PBX1: variants seen among roughly 807,000 people sequenced by gnomAD.
PBX1 encodes the protein pre-B-cell leukemia transcription factor 1.
Under a neutral mutation model 53.4 loss-of-function variants are expected in PBX1, and 6 were observed. The ratio of observed to expected loss-of-function variants is 0.11; its 90% CI spans 0.06 to 0.22. The LOEUF is 0.22. PBX1 is among the 10% of genes least tolerant of loss of function. The pLI is 1.00. For synonymous variants in PBX1, 204 were observed against 212.3 expected (o/e 0.96, Z 0.34); for missense variants, 251 against 551.4 (o/e 0.46, Z 5.46).
chr1:164,710,681 G>C (rs1025312040), intron 2 of PBX1, among the ~76,000 whole-genome samples: 6 of 152,296 alleles, frequency 3.9e-5, no homozygotes, highest in African/African-American at 1.4e-4. Context: ...AAAGTGCTGG[G>C]ATTATAGGTG....
intron 2 of PBX1, among the ~76,000 whole-genome samples, chr1:164,687,808 T>C (rs1157478336): frequency 2.6e-5 from 4 of 152,176 alleles, no homozygotes; most frequent in Admixed American, 2.6e-4. Context: ...CTGAGTTCTT[T>C]CCGAAGAACT....
intron 2 of PBX1, among the ~76,000 whole-genome samples, chr1:164,744,692 G>A (rs1557980477): frequency 6.6e-6 from 1 of 152,108 alleles, no homozygotes; most frequent in African/African-American, 2.4e-5. Flanking sequence ...GTCTACTCAG[G>A]GACATAAGGG....
chr1:164,639,974 T>TA lies in PBX1; in HGVS notation c.265+76674dup, dbSNP rs541120079. Reference sequence around the variant, plus strand: ...CACTGTACCCAGCTGTGTTCTATATTAAAAAAAAAAAGAAATCCTATGGCC... The same window carrying TA: ...CACTGTACCCAGCTGTGTTCTATATTAAAAAAAAAAAAGAAATCCTATGGCC... On this transcript the variant is annotated intron_variant, in intron 2 of 8. Coordinates refer to ENST00000420696, the MANE Select transcript of PBX1 (RefSeq NM_002585.4). 2.0e-3 allele frequency among the ~76,000 whole-genome samples: 295 copies of TA among 145,878 alleles called. 3 individuals carry two copies. Among genetic ancestry groups the TA allele is most frequent in the South Asian group, 0.02 (91 of 4,548 alleles).
At chr1:164,844,444 A>T (rs1671463036) in intron 8 of PBX1, among the ~76,000 whole-genome samples, 1 of 152,102 alleles carries the variant, frequency 6.6e-6, no homozygotes, top group African/African-American at 2.4e-5. Flanking sequence ...CTATCTAAAT[A>T]TCTATCTGGT....
chr1:164,559,531 T>C lies in PBX1; in HGVS notation c.-292T>C. 2.9e-6 allele frequency: 1 copy of C among 348,386 alleles called. No individual in the cohort carries two copies. 21.6% of individuals were successfully genotyped at this position (348,386 alleles called of 1,614,324 possible). Reference sequence around the variant, plus strand: ...GATTTCTTTTCGCCAAGTGGGAAGGTGGTTTATTTTTCTTGCTTTTTGGAG... The same window carrying C: ...GATTTCTTTTCGCCAAGTGGGAAGGCGGTTTATTTTTCTTGCTTTTTGGAG... On this transcript the variant is annotated 5_prime_UTR_variant, in exon 1 of 9. Coordinates refer to ENST00000420696, the MANE Select transcript of PBX1 (RefSeq NM_002585.4).
At chr1:164,643,779 G>A (rs770327864) in intron 2 of PBX1, among the ~76,000 whole-genome samples, 10 of 152,156 alleles carry the variant, frequency 6.6e-5, no homozygotes, top group Non-Finnish European at 1.5e-4. Flanking sequence ...AGTTTGAGAG[G>A]CTAAATTCAT....
At chr1:164,570,607 T>G (rs1653777316) in intron 2 of PBX1, among the ~76,000 whole-genome samples, 1 of 152,226 alleles carries the variant, frequency 6.6e-6, no homozygotes, top group Admixed American at 6.5e-5. Flanking sequence ...CAGTCTATCA[T>G]TGATGGGCAT....
intron 2 of PBX1, among the ~76,000 whole-genome samples, chr1:164,585,951 ACATTCATT>A (rs549700231): frequency 2.0e-5 from 3 of 152,198 alleles, no homozygotes; most frequent in Non-Finnish European, 2.9e-5. Flanking sequence ...AGTGCTTATG[ACATTCATT>A]CATTCATTCA....
At chr1:164,644,102 T>C (rs1659309096) in intron 2 of PBX1, among the ~76,000 whole-genome samples, 1 of 152,214 alleles carries the variant, frequency 6.6e-6, no homozygotes, top group Non-Finnish European at 1.5e-5. Flanking sequence ...CTAGTTTCTA[T>C]GTGGAGTGTT....
chr1:164,602,320 G>A (rs1003450963), intron 2 of PBX1, among the ~76,000 whole-genome samples: 41 of 152,234 alleles, frequency 2.7e-4, no homozygotes, highest in Middle Eastern at 6.8e-3. Context: ...CTCACACCCC[G>A]CTCGGTTTCA....
At chr1:164,705,380 T>C (rs1192762671) in intron 2 of PBX1, among the ~76,000 whole-genome samples, 1 of 152,240 alleles carries the variant, frequency 6.6e-6, no homozygotes, top group Admixed American at 6.5e-5. Flanking sequence ...GATTATTTAC[T>C]TGCAGAAATA....
At chr1:164,716,460 A>G (rs1038607280) in intron 2 of PBX1, among the ~76,000 whole-genome samples, 6 of 152,192 alleles carry the variant, frequency 3.9e-5, no homozygotes, top group African/African-American at 1.4e-4. Flanking sequence ...TTGATCTGTA[A>G]ACATTCTGAT....
intron 2 of PBX1, among the ~76,000 whole-genome samples, chr1:164,627,377 G>T (rs1425085266): frequency 6.6e-6 from 1 of 152,088 alleles, no homozygotes; most frequent in Non-Finnish European, 1.5e-5. Context: ...TGAGTGTGTT[G>T]GTACCGATGT....
chr1:164,617,371 C>A (rs1159633762), intron 2 of PBX1, among the ~76,000 whole-genome samples: 1 of 152,222 alleles, frequency 6.6e-6, no homozygotes, highest in African/African-American at 2.4e-5. Flanking sequence ...CTAGATCAGC[C>A]ACCCAAGACT....
rs114709459 is a variant in PBX1, at chr1:164,663,782, A to G, written c.265+100471A>G. Among the ~76,000 whole-genome samples, 1,208 of 152,322 alleles carry G rather than the reference A, an allele frequency of 7.9e-3. 11 individuals are homozygous for G. Among genetic ancestry groups the G allele is most frequent in the Non-Finnish European group, 0.014 (926 of 68,030 alleles). On this transcript the variant is annotated intron_variant, in intron 2 of 8. Transcript: ENST00000420696. ...TGTTGGCGCCTTAAATAAAATATCAATTGCCAGGTACGTTAGGGGTGAACC... is the reference window on the plus strand; with the variant it reads ...TGTTGGCGCCTTAAATAAAATATCAGTTGCCAGGTACGTTAGGGGTGAACC...
intron 2 of PBX1, among the ~76,000 whole-genome samples, chr1:164,688,988 C>T (rs999096811): frequency 3.9e-5 from 6 of 152,200 alleles, no homozygotes; most frequent in Non-Finnish European, 7.3e-5. Flanking sequence ...TGGAGGGTGG[C>T]GTCGCGCCTC....
chr1:164,866,315 C>G (rs1308410065), intron 2 of PBX1, among the ~76,000 whole-genome samples: 1 of 152,330 alleles, frequency 6.6e-6, no homozygotes, highest in African/African-American at 2.4e-5. Context: ...CTTCATCTGC[C>G]AGTGGGCAAC....
chr1:164,771,630 A>G (rs1667376567), intron 2 of PBX1: 1 of 151,938 alleles, frequency 6.6e-6, no homozygotes, highest in Non-Finnish European at 1.5e-5. Context: ...GCTGAACTGA[A>G]CATTGTTGCG....
At chr1:164,801,265 C>T (rs774597984) in intron 4 of PBX1, among the ~76,000 whole-genome samples, 4 of 152,084 alleles carry the variant, frequency 2.6e-5, no homozygotes, top group Non-Finnish European at 5.9e-5. Context: ...CTCCCTCACC[C>T]GTGGCCTGCT....
Sources: allele counts gnomAD v4.1 joint callset (sites outside exome capture counted in the v4.1 genomes callset), GRCh38; gene constraint gnomAD v4.1.1; transcripts MANE v1.5; gene names NCBI Gene and HGNC (gene_info 2026-07-23, HGNC 2026-07-21).